The following ESD variants were observed in gnomAD, a reference collection of about 807,000 sequenced individuals.
The protein encoded by ESD is esterase D.
Under a neutral mutation model 38.1 loss-of-function variants are expected in ESD, and 34 were observed. That is an observed-to-expected ratio of 0.89 (90% CI 0.68 to 1.19). The LOEUF (loss-of-function observed/expected upper bound fraction) is 1.19. Ranked by LOEUF, ESD falls within the 50% of genes most tolerant of loss-of-function variation. The pLI is 0.00. For missense variants in ESD, 334 were observed against 327.2 expected (o/e 1.02, Z -0.16); for synonymous variants, 97 against 107.0 (o/e 0.91, Z 0.58).
chr13:46,784,028 T>G (rs1424501583), intron 5 of ESD, among the ~76,000 whole-genome samples: 1 of 152,030 alleles, frequency 6.6e-6, no homozygotes, highest in South Asian at 2.1e-4. Context: ...ATCTGTACAA[T>G]GGGAATAGCA....
chr13:46,782,126 G>T (rs1331416684), intron 6 of ESD, among the ~76,000 whole-genome samples: 3 of 151,554 alleles, frequency 2.0e-5, no homozygotes, highest in Non-Finnish European at 4.4e-5. Context: ...AAATAAAAAA[G>T]TTTAGAATTA....
At chr13:46,780,060 C>T in intron 7 of ESD, 27 bp from the exon 8 acceptor site, 1 of 1,482,592 alleles carries the variant, frequency 6.7e-7, no homozygotes. Context: ...AATTTAAAAA[C>T]AAGTTATATT....
Position 46,781,565 on chromosome 13 carries a change from A to G in ESD, c.432T>C (p.Ser144=), listed in dbSNP as rs761989853. 1.2e-6 allele frequency: 2 copies of G among 1,609,092 alleles called. No homozygotes were observed. The highest frequency in any genetic ancestry group is 1.7e-6 in the Non-Finnish European group (2 of 1,176,432). Residue 144 remains serine (S), a synonymous_variant, in exon 7 of 10, where the codon TCT becomes TCC. Coordinates refer to ENST00000378720, the MANE Select transcript of ESD (RefSeq NM_001984.2). ...GACCTCCCATGGAGTGGCCAAAAAT[A>G]GACATCCTTTGGGGATCCACTGGAA... The part of the protein sequence containing the change: ...ANFPVDPQRM[S]IFGHSMGGHG...
At chr13:46,792,106 A>G (rs1161264010) in intron 2 of ESD, among the ~76,000 whole-genome samples, 2 of 152,128 alleles carry the variant, frequency 1.3e-5, no homozygotes, top group Non-Finnish European at 1.5e-5. Flanking sequence ...ATGTAAAATG[A>G]CATATTTTAT....
chr13:46,780,075 TA>T, intron 7 of ESD, 42 bp from the exon 8 acceptor site: 1 of 1,346,120 alleles, frequency 7.4e-7, no homozygotes, highest in South Asian at 1.3e-5. Context: ...TATATTTTGC[TA>T]AATTAAATAT....
At chr13:46,780,688 C>T (rs1566279309) in intron 7 of ESD, among the ~76,000 whole-genome samples, 1 of 151,538 alleles carries the variant, frequency 6.6e-6, no homozygotes, top group African/African-American at 2.4e-5. Flanking sequence ...CTTAGAAAGC[C>T]CACTGTCAGG....
chr13:46,792,960 T>C (rs994267235), intron 2 of ESD, among the ~76,000 whole-genome samples: 1 of 152,072 alleles, frequency 6.6e-6, no homozygotes, highest in Non-Finnish European at 1.5e-5. Context: ...TGAGCACGTA[T>C]CTGGTACATA....
At chr13:46,773,353 T>C (rs994435791) in intron 9 of ESD, among the ~76,000 whole-genome samples, 3 of 152,206 alleles carry the variant, frequency 2.0e-5, no homozygotes, top group African/African-American at 7.2e-5. Context: ...TAATTTACAC[T>C]CCAGGTGGGA....
At chr13:46,786,880 T>C (rs1875210987) in intron 4 of ESD, 141 bp downstream of exon 4, 1 of 417,842 alleles carries the variant, frequency 2.4e-6, no homozygotes, top group Non-Finnish European at 4.2e-6. Flanking sequence ...AGGATAAAAG[T>C]AACAGAGTAG....
At position 46,795,592 on chromosome 13, in the gene ESD, T is replaced by C. The variant is rs574374792; in HGVS notation, c.-56+1513A>G. 4.2e-4 allele frequency among the ~76,000 whole-genome samples: 64 copies of C among 152,282 alleles called. 1 individual carries two copies. Among genetic ancestry groups the C allele is most frequent in the Middle Eastern group, 6.8e-3 (2 of 294 alleles). On this transcript the variant is annotated intron_variant, in intron 1 of 9. Coordinates refer to ENST00000378720, the MANE Select transcript of ESD (RefSeq NM_001984.2). The stretch of plus-strand genomic sequence containing the variant: ...CAGTCGCTGAGAACCAGAAAGTCAC[T>C]GAAATGGAAGACCATGTTAATTGTA...
At chr13:46,789,319 T>C (rs1335125899) in intron 3 of ESD, among the ~76,000 whole-genome samples, 1 of 152,196 alleles carries the variant, frequency 6.6e-6, no homozygotes, top group Non-Finnish European at 1.5e-5. Context: ...TTCATTCTAC[T>C]CTCACTTAAT....
chr13:46,771,408 G>C lies in ESD; in HGVS notation c.*8C>G. 6.4e-7 allele frequency: 1 copy of C among 1,570,440 alleles called. No homozygotes were observed. The highest frequency in any genetic ancestry group is 8.7e-7 in the Non-Finnish European group (1 of 1,145,922). ...AATCCTGAAGAGATTCTCTTATTTG[G>C]AGTTTTTTCATGCATTCAGGTATTT... is the stretch of plus-strand genomic sequence containing the variant. On this transcript the variant is annotated 3_prime_UTR_variant, in exon 10 of 10. Transcript: ENST00000378720.
chr13:46,794,594 C>T (rs1428448495), intron 1 of ESD, among the ~76,000 whole-genome samples: 2 of 150,800 alleles, frequency 1.3e-5, no homozygotes, highest in Admixed American at 1.3e-4. Flanking sequence ...TATCCTTCTT[C>T]CCCTGTGTCT....
At chr13:46,789,483 T>C (rs552568148) in intron 3 of ESD, among the ~76,000 whole-genome samples, 86 of 152,216 alleles carry the variant, frequency 5.6e-4, no homozygotes, top group Non-Finnish European at 9.4e-4. Context: ...GAATTTTCTT[T>C]GTTCCCAACA....
chr13:46,788,439 C>A (rs1039609485), intron 3 of ESD, among the ~76,000 whole-genome samples: 2 of 152,004 alleles, frequency 1.3e-5, no homozygotes, highest in Non-Finnish European at 2.9e-5. Context: ...AATCCATATT[C>A]AATGCAGGGA....
intron 6 of ESD, 49 bp downstream of exon 6, chr13:46,782,618 C>A (rs1875043668): frequency 6.3e-7 from 1 of 1,588,124 alleles, no homozygotes; most frequent in Admixed American, 1.7e-5. Flanking sequence ...TGTTCAAAAT[C>A]AAACTCTTGG....
At chr13:46,783,121 C>G (rs1875068575) in intron 5 of ESD, among the ~76,000 whole-genome samples, 1 of 151,930 alleles carries the variant, frequency 6.6e-6, no homozygotes, top group African/African-American at 2.4e-5. Context: ...GTTTACCTGT[C>G]AAAAAGGACT....
chr13:46,776,940 A>C (rs1287084060), intron 9 of ESD: 1 of 152,114 alleles, frequency 6.6e-6, no homozygotes, highest in African/African-American at 2.4e-5. Context: ...TAGTTAAAAA[A>C]AACTTGCAAG....
chr13:46,794,562 C>T (rs1875513253), intron 1 of ESD, among the ~76,000 whole-genome samples: 1 of 152,068 alleles, frequency 6.6e-6, no homozygotes, highest in South Asian at 2.1e-4. Context: ...TCATCCACCT[C>T]CAGAAATCTG....
Sources: allele counts gnomAD v4.1 joint callset (sites outside exome capture counted in the v4.1 genomes callset), GRCh38; gene constraint gnomAD v4.1.1; transcripts MANE v1.5; gene names NCBI Gene and HGNC (gene_info 2026-07-23, HGNC 2026-07-21).